The following ANKS3 variants were observed in gnomAD, a reference collection of about 807,000 sequenced individuals.
ANKS3 encodes ankyrin repeat and sterile alpha motif domain containing 3, also known as ankyrin repeat and SAM domain-containing protein 3.
Under a neutral mutation model 80.7 loss-of-function variants are expected in ANKS3, and 62 were observed. The ratio of observed to expected loss-of-function variants is 0.77; its 90% CI spans 0.63 to 0.95. The LOEUF (loss-of-function observed/expected upper bound fraction) is 0.95. Among genes scored for constraint, ANKS3 ranks in the 40% least tolerant of loss-of-function variants. ANKS3 has a pLI of 0.00. For missense variants in ANKS3, 1,150 were observed against 883.6 expected, an observed-to-expected ratio of 1.30 and a Z score of -3.82; for synonymous variants, 489 against 355.3, an observed-to-expected ratio of 1.38 and a Z score of -4.23.
chr16:4,724,707 T>C (rs2081268953), intron 6 of ANKS3, 43 bp downstream of exon 6: 1 of 1,556,742 alleles, frequency 6.4e-7, no homozygotes. Context: ...TGATTCCTCA[T>C]TTGCCGTGAC....
At chr16:4,726,100 C>G (rs1449316177) in intron 5 of ANKS3, among the ~76,000 whole-genome samples, 3 of 151,912 alleles carry the variant, frequency 2.0e-5, no homozygotes, top group Non-Finnish European at 2.9e-5. Context: ...CTCAGCCTCC[C>G]GAGTAGCTGG....
Position 4,707,849 on chromosome 16 carries a change from G to A in ANKS3, c.710-2596C>T, listed in dbSNP as rs528187294. On this transcript the variant is annotated intron_variant, in intron 7 of 17. Coordinates refer to ENST00000304283, the MANE Select transcript of ANKS3 (RefSeq NM_133450.4). The stretch of plus-strand genomic sequence containing the variant: ...ATCAGGGCCGGGCGCGGTGGCTCAC[G>A]CCTGTAATCCCAGCACTTTGGGAGG... Among the ~76,000 whole-genome samples the A allele has an allele frequency of 2.3e-4, 35 of 152,170 alleles. 2 individuals carry two copies. The South Asian group carries it at 4.6e-3, about 20-fold the overall frequency.
intron 7 of ANKS3, among the ~76,000 whole-genome samples, chr16:4,709,627 A>C (rs1334272019): frequency 6.6e-6 from 1 of 152,226 alleles, no homozygotes; most frequent in African/African-American, 2.4e-5. Flanking sequence ...AATATTATTC[A>C]GACATAAAGA....
In ANKS3 at chr16:4,696,737, G is replaced by A; in HGVS notation, c.*171C>T. ...AGTGCTGGCCCGAGCTGCCGAGCCA[G>A]GGCCGCAGCCCCCGTCTTGCCTCTG... On this transcript the variant is annotated 3_prime_UTR_variant, in exon 18 of 18. Transcript: ENST00000304283. The A allele has an allele frequency of 2.0e-6, 1 of 511,344 alleles. No individual in the cohort carries two copies. Among genetic ancestry groups the A allele is most frequent in the South Asian group, 2.1e-5 (1 of 47,412 alleles). 31.7% of individuals were successfully genotyped at this position (511,344 alleles called of 1,614,324 possible).
intron 6 of ANKS3, among the ~76,000 whole-genome samples, chr16:4,716,459 G>C (rs1376108561): frequency 2.0e-5 from 3 of 151,618 alleles, no homozygotes; most frequent in Non-Finnish European, 2.9e-5. Context: ...CCTCAACCTT[G>C]ACCCCCATAT....
Position 4,696,639 on chromosome 16 carries a change from T to C in ANKS3, c.*269A>G, listed in dbSNP as rs1021606163. 1 of 267,490 alleles carries C rather than the reference T, an allele frequency of 3.7e-6. No homozygotes were observed. Among genetic ancestry groups the C allele is most frequent in the African/African-American group, 2.2e-5 (1 of 44,824 alleles). The allele number at this position is 267,490 out of a possible 1,614,324, so 16.6% of individuals were successfully genotyped here. A position where few individuals can be genotyped will look rare whatever the true frequency, so the allele number is the denominator to read the frequency against. On this transcript the variant is annotated 3_prime_UTR_variant, in exon 18 of 18. Transcript: ENST00000304283. ...TACACTTTCCCCCCAGGGCCCTGCCTGGTATGGGCCAGGGCAGCCCATGAA... is the reference window on the plus strand; with the variant it reads ...TACACTTTCCCCCCAGGGCCCTGCCCGGTATGGGCCAGGGCAGCCCATGAA...
Position 4,730,179 on chromosome 16 carries a change from C to G in ANKS3, c.-2-28G>C, listed in dbSNP as rs2081546395. 2.1e-6 allele frequency: 3 copies of G among 1,459,162 alleles called. No homozygotes were observed. The Admixed American group carries it at 6.5e-5, about 31-fold the overall frequency. 90.4% of individuals were successfully genotyped at this position (1,459,162 alleles called of 1,614,324 possible). ...GAGGAGGAAGGCCCAAGGGTTAGAT[C>G]TTTCCTGGCTGGTTGTTCCAGGGCA... is the stretch of plus-strand genomic sequence containing the variant. On this transcript the variant is annotated intron_variant, in intron 2 of 17. Coordinates refer to ENST00000304283, the MANE Select transcript of ANKS3 (RefSeq NM_133450.4).
chr16:4,701,936 C>T lies in ANKS3; in HGVS notation c.1009+166G>A, dbSNP rs958137098. The T allele has an allele frequency of 7.1e-6, 6 of 846,310 alleles. No individual in the cohort carries two copies. The African/African-American group carries it at 8.8e-5, about 12-fold the overall frequency. The allele number at this position is 846,310 out of a possible 1,614,324, so 52.4% of individuals were successfully genotyped here. A position where few individuals can be genotyped will look rare whatever the true frequency, so the allele number is the denominator to read the frequency against. On this transcript the variant is annotated intron_variant, in intron 9 of 17. Coordinates refer to ENST00000304283, the MANE Select transcript of ANKS3 (RefSeq NM_133450.4). ...CCGCACGGGGATGCTGGACCAGAAG[C>T]TTCTCCCATTCCTCACAAGAACCAG...
Position 4,723,137 on chromosome 16 carries a change from C to G in ANKS3, c.573+1613G>C, listed in dbSNP as rs547029588. 1.4e-4 allele frequency among the ~76,000 whole-genome samples: 21 copies of G among 152,104 alleles called. 1 individual carries two copies. The highest frequency in any genetic ancestry group is 2.6e-4 in the Non-Finnish European group (18 of 68,026). The stretch of plus-strand genomic sequence containing the variant: ...AATTCATCAGGACCGCCTGCACTTC[C>G]CCCCATTGGGTTTAACAGCCTTATA... On this transcript the variant is annotated intron_variant, in intron 6 of 17. Transcript: ENST00000304283.
chr16:4,718,517 A>G (rs1057027708), intron 6 of ANKS3, among the ~76,000 whole-genome samples: 1 of 152,202 alleles, frequency 6.6e-6, no homozygotes, highest in Non-Finnish European at 1.5e-5. Context: ...CCCCTAGCAA[A>G]GAGCACAAGA....
At position 4,696,616 on chromosome 16, in the gene ANKS3, C is replaced by A; in HGVS notation, c.*292G>T. ...TGGCACCTGTGCGTGTATATGGATACACTTTCCCCCCAGGGCCCTGCCTGG... is the reference window on the plus strand; with the variant it reads ...TGGCACCTGTGCGTGTATATGGATAAACTTTCCCCCCAGGGCCCTGCCTGG... On this transcript the variant is annotated 3_prime_UTR_variant, in exon 18 of 18. Transcript: ENST00000304283. The A allele has an allele frequency of 4.2e-6, 1 of 237,352 alleles. No homozygotes were observed. The highest frequency in any genetic ancestry group is 8.3e-6 in the Non-Finnish European group (1 of 120,622). The allele number at this position is 237,352 out of a possible 1,614,324, so 14.7% of individuals were successfully genotyped here.
chr16:4,709,128 C>T lies in ANKS3; in HGVS notation c.710-3875G>A, dbSNP rs551781980. 5.9e-5 allele frequency among the ~76,000 whole-genome samples: 9 copies of T among 151,340 alleles called. No individual in the cohort carries two copies. The East Asian group carries it at 1.6e-3, about 26-fold the overall frequency. ...TTTTTTTAATAGAAGAAATTTTTGC[C>T]GGGTGCAGCGGTTCATGCCTGTAAT... On this transcript the variant is annotated intron_variant, in intron 7 of 17. Coordinates refer to ENST00000304283, the MANE Select transcript of ANKS3 (RefSeq NM_133450.4).
At chr16:4,697,579 G>A (rs1468784662) in intron 15 of ANKS3, among the ~76,000 whole-genome samples, 163 bp from the exon 16 acceptor site, 4 of 152,184 alleles carry the variant, frequency 2.6e-5, no homozygotes, top group African/African-American at 9.7e-5. Context: ...GGGAAGCCCT[G>A]TTGTGCCCTT....
rs765987886 is a variant in ANKS3, at chr16:4,708,894, G to C, written c.710-3641C>G. Among the ~76,000 whole-genome samples the C allele has an allele frequency of 2.6e-4, 40 of 151,346 alleles. 1 individual carries two copies. In the South Asian group the frequency reaches 7.7e-3, roughly 29 times the overall value. On this transcript the variant is annotated intron_variant, in intron 7 of 17. Coordinates refer to ENST00000304283, the MANE Select transcript of ANKS3 (RefSeq NM_133450.4). ...GCGGGGGTTGCAGTGAGCCGAGATC[G>C]CGCCACTGCACTCCAGCCTGGGCAA...
rs755830521 is a variant in ANKS3 at position 4,705,119 on chromosome 16, C to T, written c.844G>A (p.Gly282Ser). 31 of 1,612,750 alleles carry T rather than the reference C, an allele frequency of 1.9e-5. No individual in the cohort carries two copies. Among genetic ancestry groups the T allele is most frequent in the South Asian group, 9.9e-5 (9 of 91,044 alleles). ...LARITGIGLGGRAPRPRYEQA... is the reference protein window; with the variant it reads ...LARITGIGLGSRAPRPRYEQA... ...CCATAGCGAGGCCGTGGGGCTCTGC[C>T]GCCCAGGCCAATGCCTGTGATCCTG... The change falls in exon 8 of 18, where the codon GGC (glycine) becomes AGC (serine). Residue 282 changes from glycine (G) to serine (S), a missense_variant. By Grantham distance (56) the Gly-to-Ser change is moderately conservative. Coordinates refer to ENST00000304283, the MANE Select transcript of ANKS3 (RefSeq NM_133450.4).
chr16:4,714,775 C>T (rs929277521), intron 6 of ANKS3, among the ~76,000 whole-genome samples: 9 of 151,170 alleles, frequency 6.0e-5, no homozygotes, highest in South Asian at 4.2e-4. Flanking sequence ...GGGCAGATCA[C>T]GAGGTCAGGA....
intron 6 of ANKS3, among the ~76,000 whole-genome samples, chr16:4,720,774 C>G (rs566093801): frequency 6.7e-6 from 1 of 150,294 alleles, no homozygotes; most frequent in South Asian, 2.1e-4. Flanking sequence ...ACCCTGTCTA[C>G]TAAAAATACA....
In ANKS3 at chr16:4,699,067, T is replaced by C. The variant is rs1456934739; in HGVS notation, c.1394A>G (p.Lys465Arg). 6.2e-7 allele frequency: 1 copy of C among 1,614,154 alleles called. No homozygotes were observed. ...IFLTLTESDL[K>R]EIGITLFGPK... ...CTGGACGCACGTGATGCCAATTTCCTTCAGGTCGCTCTCAGTGAGGGTCAG... is the reference window on the plus strand; with the variant it reads ...CTGGACGCACGTGATGCCAATTTCCCTCAGGTCGCTCTCAGTGAGGGTCAG... The change falls in exon 12 of 18, where the codon AAG becomes AGG. Residue 465 changes from lysine to arginine, a missense_variant. Coordinates refer to ENST00000304283, the MANE Select transcript of ANKS3 (RefSeq NM_133450.4).
In ANKS3 at chr16:4,698,844, G is replaced by A. The variant is rs140935515; in HGVS notation, c.1507C>T (p.Arg503Trp). The change falls in exon 13 of 18, where the codon CGG becomes TGG. Residue 503 changes from arginine (R) to tryptophan (W), a missense_variant. Physicochemically the swap from Arg to Trp is moderately radical, Grantham distance 101. Coordinates refer to ENST00000304283, the MANE Select transcript of ANKS3 (RefSeq NM_133450.4). ...GDALELAYAD[R>W]LEAEMQELAI... Reference sequence around the variant, plus strand: ...AGCTCCTGCATCTCAGCCTCCAGCCGGTCGGCGTAGGCCAGCTCCAGGGCA... The same window carrying A: ...AGCTCCTGCATCTCAGCCTCCAGCCAGTCGGCGTAGGCCAGCTCCAGGGCA... The A allele has an allele frequency of 3.4e-5, 55 of 1,606,992 alleles. No individual in the cohort carries two copies. The African/African-American group carries it at 3.5e-4, about 10-fold the overall frequency.
Sources: gnomAD v4.1 joint callset for allele counts (sites outside exome capture counted in the v4.1 genomes callset) on GRCh38, gnomAD v4.1.1 for gene constraint, MANE v1.5 for transcripts, NCBI Gene and HGNC (gene_info 2026-07-23, HGNC 2026-07-21) for gene names.